Variants in MSRA observed in about 807,000 individuals in gnomAD.
MSRA encodes the protein methionine sulfoxide reductase A.
MSRA carries 54 observed loss-of-function variants against 31.3 expected under a neutral mutation model. That is an observed-to-expected ratio of 1.73 (90% CI 1.39 to 2.17). The LOEUF (loss-of-function observed/expected upper bound fraction) is 2.17. Ranked by LOEUF, MSRA falls within the 30% of genes most tolerant of loss-of-function variation. The pLI is 0.00. For missense variants in MSRA, 507 were observed against 300.9 expected, an observed-to-expected ratio of 1.69 and a Z score of -5.07; for synonymous variants, 169 against 116.5, an observed-to-expected ratio of 1.45 and a Z score of -2.90.
At chr8:10,295,165 G>A (rs751247713) in intron 3 of MSRA, among the ~76,000 whole-genome samples, 2 of 152,082 alleles carry the variant, frequency 1.3e-5, no homozygotes, top group Non-Finnish European at 2.9e-5. Context: ...CAATGAGACT[G>A]CTTGTCTTGC....
At chr8:10,076,832 G>A (rs1341933899) in intron 1 of MSRA, among the ~76,000 whole-genome samples, 3 of 152,050 alleles carry the variant, frequency 2.0e-5, no homozygotes, top group Non-Finnish European at 4.4e-5. Context: ...AGGGATGAGT[G>A]TTGTAGCATC....
At chr8:10,170,225 C>A (rs1805480648) in intron 1 of MSRA, among the ~76,000 whole-genome samples, 1 of 152,022 alleles carries the variant, frequency 6.6e-6, no homozygotes, top group South Asian at 2.1e-4. Context: ...TTGTCTCCCT[C>A]CAAATTCATA....
intron 2 of MSRA, among the ~76,000 whole-genome samples, chr8:10,209,276 A>T (rs1809275925): frequency 6.6e-6 from 1 of 152,134 alleles, no homozygotes; most frequent in Non-Finnish European, 1.5e-5. Context: ...TCTTTTGATG[A>T]TTTATTTATT....
intron 1 of MSRA, chr8:10,096,218 A>G (rs1202608280): frequency 2.4e-6 from 3 of 1,245,800 alleles, no homozygotes; most frequent in Non-Finnish European, 3.0e-6. Context: ...CTGCTGCTTC[A>G]TGCTGTCCTA....
intron 4 of MSRA, among the ~76,000 whole-genome samples, chr8:10,317,564 G>T (rs959567122): frequency 3.3e-5 from 5 of 152,154 alleles, no homozygotes; most frequent in Non-Finnish European, 7.4e-5. Flanking sequence ...CAGGAGGTCA[G>T]TTCTCATCAA....
At chr8:10,376,323 G>A (rs1805754402) in intron 5 of MSRA, among the ~76,000 whole-genome samples, 1 of 152,136 alleles carries the variant, frequency 6.6e-6, no homozygotes, top group South Asian at 2.1e-4. Context: ...ATGCCATTTG[G>A]CTCACTTAAT....
intron 1 of MSRA, among the ~76,000 whole-genome samples, chr8:10,188,975 CAG>C (rs1043035310): frequency 6.6e-6 from 1 of 152,202 alleles, no homozygotes; most frequent in African/African-American, 2.4e-5. Context: ...TGACATCTTA[CAG>C]AGTCTTTCAG....
chr8:10,064,695 C>T (rs1029384044), intron 1 of MSRA, among the ~76,000 whole-genome samples: 2 of 152,016 alleles, frequency 1.3e-5, no homozygotes, highest in African/African-American at 4.8e-5. Context: ...AAAAAGTTTT[C>T]GTATTTTACC....
intron 1 of MSRA, among the ~76,000 whole-genome samples, chr8:10,142,717 G>A (rs553756311): frequency 6.6e-6 from 1 of 152,276 alleles, no homozygotes; most frequent in East Asian, 1.9e-4. Flanking sequence ...ATGCTTAAAT[G>A]TAGTAGATTT....
At chr8:10,131,789 T>C (rs866524838) in intron 1 of MSRA, among the ~76,000 whole-genome samples, 9 of 152,186 alleles carry the variant, frequency 5.9e-5, no homozygotes, top group African/African-American at 2.2e-4. Context: ...TGGGAGGCGA[T>C]GCTGGGATGC....
At chr8:10,280,096 G>A (rs987059251) in intron 3 of MSRA, among the ~76,000 whole-genome samples, 1 of 152,216 alleles carries the variant, frequency 6.6e-6, no homozygotes, top group South Asian at 2.1e-4. Flanking sequence ...AATTTTTGAC[G>A]TGAAGTTTTT....
chr8:10,270,084 T>A (rs2129099630), intron 3 of MSRA, among the ~76,000 whole-genome samples: 1 of 152,336 alleles, frequency 6.6e-6, no homozygotes, highest in East Asian at 1.9e-4. Flanking sequence ...GTTTTGTAGT[T>A]GCTATAGAAT....
At chr8:10,250,277 A>G in intron 3 of MSRA, 1 of 599,572 alleles carries the variant, frequency 1.7e-6, no homozygotes, top group Admixed American at 2.8e-5. Flanking sequence ...GACTGTACAG[A>G]TGAAAATATG....
At position 10,157,473 on chromosome 8, in the gene MSRA, G is replaced by A. The variant is rs117583238; in HGVS notation, c.143-50360G>A. On this transcript the variant is annotated intron_variant, in intron 1 of 5. Transcript: ENST00000317173. Reference sequence around the variant, plus strand: ...AAGAATTTTTAAAAAGATTACTGTGGCAGAAGCAAGTTCTGGGGGTGGAGG... The same window carrying A: ...AAGAATTTTTAAAAAGATTACTGTGACAGAAGCAAGTTCTGGGGGTGGAGG... 3.8e-3 allele frequency among the ~76,000 whole-genome samples: 582 copies of A among 152,248 alleles called. 1 individual carries two copies. Among genetic ancestry groups the A allele is most frequent in the Non-Finnish European group, 5.8e-3 (397 of 68,020 alleles).
intron 5 of MSRA, among the ~76,000 whole-genome samples, chr8:10,328,299 G>T (rs1802496221): frequency 8.3e-6 from 1 of 120,496 alleles, no homozygotes. Context: ...CATTTAACTT[G>T]CCTAACTAAG....
chr8:10,164,072 C>T (rs1804907094), intron 1 of MSRA, among the ~76,000 whole-genome samples: 1 of 152,204 alleles, frequency 6.6e-6, no homozygotes, highest in South Asian at 2.1e-4. Flanking sequence ...TTTTTCTTTT[C>T]TGTTCTCCTG....
chr8:10,412,185 G>A (rs546273824), intron 5 of MSRA, among the ~76,000 whole-genome samples: 4 of 152,290 alleles, frequency 2.6e-5, no homozygotes, highest in South Asian at 2.1e-4. Flanking sequence ...AAATGTTTCC[G>A]TTTTTAGTCT....
At position 10,227,268 on chromosome 8, in the gene MSRA, C is replaced by G. The variant is rs1585216694; in HGVS notation, c.212-17836C>G. 2.6e-5 allele frequency among the ~76,000 whole-genome samples: 4 copies of G among 152,072 alleles called. No homozygotes were observed. The East Asian group carries it at 7.7e-4, about 29-fold the overall frequency. ...GGCAGGTTGTCATAAGGAAGAGGGG[C>G]TAAATTTGTCCCTTGTGACCTCAAG... On this transcript the variant is annotated intron_variant, in intron 2 of 5. Coordinates refer to ENST00000317173, the MANE Select transcript of MSRA (RefSeq NM_012331.5).
intron 4 of MSRA, among the ~76,000 whole-genome samples, chr8:10,314,117 C>G (rs1273779673): frequency 6.6e-6 from 1 of 151,978 alleles, no homozygotes; most frequent in Non-Finnish European, 1.5e-5. Flanking sequence ...CACAAAAGCA[C>G]TAACCGTAAA....
Sources: gnomAD v4.1 joint callset for allele counts (sites outside exome capture counted in the v4.1 genomes callset) on GRCh38, gnomAD v4.1.1 for gene constraint, MANE v1.5 for transcripts, NCBI Gene and HGNC (gene_info 2026-07-23, HGNC 2026-07-21) for gene names.